ELMOD3: variants seen among roughly 807,000 people sequenced by gnomAD.
ELMOD3 encodes the protein ELMO domain-containing protein 3.
ELMOD3 carries 36 observed loss-of-function variants against 47.4 expected under a neutral mutation model. The ratio of observed to expected loss-of-function variants is 0.76; its 90% CI spans 0.58 to 1.00. The LOEUF is 1.00. Ranked by LOEUF, ELMOD3 falls within the 50% of genes least tolerant of loss-of-function variation. The pLI is 0.00. For synonymous variants in ELMOD3, 149 were observed against 183.5 expected, an observed-to-expected ratio of 0.81 and a Z score of 1.52; for missense variants, 404 against 463.8, an observed-to-expected ratio of 0.87 and a Z score of 1.18.
chr2:85,363,380 T>G (rs867976576), intron 6 of ELMOD3, among the ~76,000 whole-genome samples: 7 of 152,248 alleles, frequency 4.6e-5, no homozygotes, highest in Non-Finnish European at 8.8e-5. Context: ...TGTGTGCCTC[T>G]GGGCAAGCCA....
chr2:85,370,419 TAAA>T (rs569181155), intron 8 of ELMOD3, among the ~76,000 whole-genome samples: 4 of 121,338 alleles, frequency 3.3e-5, no homozygotes, highest in Admixed American at 8.5e-5. Context: ...CCTGTCTCCG[TAAA>T]AAAAAAAAAA....
In ELMOD3 at chr2:85,369,805, A is replaced by G. The variant is rs1684661238; in HGVS notation, c.335A>G (p.Gln112Arg). 1 of 1,614,008 alleles carries G rather than the reference A, an allele frequency of 6.2e-7. No homozygotes were observed. Among genetic ancestry groups the G allele is most frequent in the South Asian group, 1.1e-5 (1 of 91,086 alleles). ...TTCAGTGAGGCCCTGCAGCACTTCCAGACTGTGGACCTTTCCCCCTTCAAG... is the reference window on the plus strand; with the variant it reads ...TTCAGTGAGGCCCTGCAGCACTTCCGGACTGTGGACCTTTCCCCCTTCAAG... ...ISFSEALQHF[Q>R]TVDLSPFKKR... Residue 112 changes from glutamine (Q) to arginine (R), a missense_variant, in exon 8 of 14, where the codon CAG (glutamine) becomes CGG (arginine). By Grantham distance (43) the Gln-to-Arg change is conservative (BLOSUM62 1). Coordinates refer to ENST00000409013, the MANE Select transcript of ELMOD3 (RefSeq NM_001135022.2).
intron 4 of ELMOD3, among the ~76,000 whole-genome samples, chr2:85,361,107 C>T (rs929541433): frequency 1.3e-5 from 2 of 152,170 alleles, no homozygotes; most frequent in African/African-American, 4.8e-5. Flanking sequence ...CTGTGAGCCA[C>T]CACACCTGGT....
intron 8 of ELMOD3, 68 bp from the exon 9 acceptor site, chr2:85,371,018 G>A: frequency 1.3e-6 from 2 of 1,566,136 alleles, no homozygotes; most frequent in East Asian, 2.2e-5. Flanking sequence ...TCTGGTCTGA[G>A]CCTGATGGGA....
chr2:85,377,696 T>C (rs1310007539), intron 11 of ELMOD3, among the ~76,000 whole-genome samples: 2 of 152,250 alleles, frequency 1.3e-5, no homozygotes, highest in South Asian at 2.1e-4. Context: ...ATGGAAATCA[T>C]AGTGTTGTTA....
intron 7 of ELMOD3, among the ~76,000 whole-genome samples, chr2:85,369,350 G>A (rs547417960): frequency 2.6e-5 from 4 of 152,330 alleles, no homozygotes; most frequent in Non-Finnish European, 2.9e-5. Flanking sequence ...TATGGTTGGG[G>A]GTTCCTATAC....
At chr2:85,389,977 T>A (rs757179963) in intron 12 of ELMOD3, 150 bp downstream of exon 12, 1 of 1,063,284 alleles carries the variant, frequency 9.4e-7, no homozygotes, top group Non-Finnish European at 1.5e-6. Context: ...AGGACATCCC[T>A]TCTCCCACCC....
intron 11 of ELMOD3, among the ~76,000 whole-genome samples, chr2:85,388,753 A>C (rs1479222983): frequency 2.6e-5 from 4 of 152,228 alleles, no homozygotes; most frequent in African/African-American, 4.8e-5. Flanking sequence ...ACCACTAAGG[A>C]GCTGAATTTA....
Position 85,371,482 on chromosome 2 carries a change from A to G in ELMOD3, c.527A>G (p.Gln176Arg), listed in dbSNP as rs753809916. 15 of 1,614,252 alleles carry G rather than the reference A, an allele frequency of 9.3e-6. No individual in the cohort carries two copies. The highest frequency in any genetic ancestry group is 1.1e-5 in the Non-Finnish European group (13 of 1,180,056). Residue 176 changes from glutamine (Q) to arginine (R), a missense_variant, in exon 10 of 14, where the codon CAG (glutamine) becomes CGG (arginine). Physicochemically the swap from Gln to Arg is conservative, Grantham distance 43. Coordinates refer to ENST00000409013, the MANE Select transcript of ELMOD3 (RefSeq NM_001135022.2). ...GACCCAGTGCATGGCCGAGTCCTCCAGACCATCTATAAGAAGCTGACCGGC... is the reference window on the plus strand; with the variant it reads ...GACCCAGTGCATGGCCGAGTCCTCCGGACCATCTATAAGAAGCTGACCGGC... Reference protein sequence around the residue: ...SQDPVHGRVLQTIYKKLTGSK... With the variant: ...SQDPVHGRVLRTIYKKLTGSK...
At chr2:85,390,709 G>A in intron 13 of ELMOD3, 51 bp from the exon 14 acceptor site, 1 of 1,542,216 alleles carries the variant, frequency 6.5e-7, no homozygotes, top group South Asian at 1.2e-5. Context: ...TGACTGTTGT[G>A]TCACCCAGAG....
In ELMOD3 at chr2:85,369,823, C is replaced by G. The variant is rs550629639; in HGVS notation, c.353C>G (p.Pro118Arg). 6.2e-7 allele frequency: 1 copy of G among 1,614,088 alleles called. No individual in the cohort carries two copies. ...LQHFQTVDLS[P>R]FKKRIQPTIR... ...CACTTCCAGACTGTGGACCTTTCCC[C>G]CTTCAAGGTATGAGGGTAGCAGGGT... Residue 118 changes from proline (P) to arginine (R), a missense_variant, in exon 8 of 14, where the codon CCC (proline) becomes CGC (arginine). Physicochemically the swap from Pro to Arg is moderately radical, Grantham distance 103. Coordinates refer to ENST00000409013, the MANE Select transcript of ELMOD3 (RefSeq NM_001135022.2).
chr2:85,384,430 G>A (rs901392618), intron 11 of ELMOD3, among the ~76,000 whole-genome samples: 14 of 152,086 alleles, frequency 9.2e-5, no homozygotes, highest in Admixed American at 4.6e-4. Flanking sequence ...TAGCCTCCAC[G>A]GGCCCAAGAG....
At chr2:85,369,232 A>G (rs768292930) in intron 7 of ELMOD3, among the ~76,000 whole-genome samples, 3 of 152,348 alleles carry the variant, frequency 2.0e-5, no homozygotes, top group African/African-American at 4.8e-5. Flanking sequence ...ACTAGGACCT[A>G]TATCTAGCCT....
In ELMOD3 at chr2:85,360,266, C is replaced by CAA. The variant is rs753285939; in HGVS notation, c.55-1901_55-1900dup. Reference sequence around the variant, plus strand: ...GGGCAACAAGAGCAAAACTCCATCTCAAAAAAAAAAAAAAAAAAAAGCCAC... The same window carrying CAA: ...GGGCAACAAGAGCAAAACTCCATCTCAAAAAAAAAAAAAAAAAAAAAAGCCAC... On this transcript the variant is annotated intron_variant, in intron 4 of 13. Transcript: ENST00000409013. Among the ~76,000 whole-genome samples the CAA allele has an allele frequency of 2.5e-3, 130 of 51,300 alleles. 3 individuals are homozygous for CAA. The highest frequency in any genetic ancestry group is 0.012 in the Middle Eastern group (1 of 86). 33.7% of individuals were successfully genotyped at this position (51,300 alleles called of 152,430 possible). A position where few individuals can be genotyped will look rare whatever the true frequency, so the allele number is the denominator to read the frequency against.
intron 5 of ELMOD3, 23 bp from the exon 6 acceptor site, chr2:85,363,074 C>G: frequency 6.5e-7 from 1 of 1,532,404 alleles, no homozygotes; most frequent in South Asian, 1.1e-5. Flanking sequence ...TATCCTCAAG[C>G]TAAAGGTCAG....
At chr2:85,364,825 ATTTTTTTTT>A (rs869054374) in intron 6 of ELMOD3, among the ~76,000 whole-genome samples, 31 of 69,894 alleles carry the variant, frequency 4.4e-4, no homozygotes, top group African/African-American at 1.8e-3. Flanking sequence ...ATATATATAT[ATTTTTTTTT>A]TTTTTTTTTT....
rs116549359 is a variant in ELMOD3 at position 85,368,305 on chromosome 2, G to A, written c.200-381G>A. On this transcript the variant is annotated intron_variant, in intron 6 of 13. Coordinates refer to ENST00000409013, the MANE Select transcript of ELMOD3 (RefSeq NM_001135022.2). ...CAGCCAGATGTGGTAGTGCGTGCCT[G>A]TAGTTCCAGGTACTCAGGAGGCTGA... 1,663 of 207,628 alleles carry A rather than the reference G, an allele frequency of 8.0e-3. 25 individuals carry two copies. Among genetic ancestry groups the A allele is most frequent in the African/African-American group, 0.037 (1,591 of 43,410 alleles). 12.9% of individuals were successfully genotyped at this position (207,628 alleles called of 1,614,324 possible).
chr2:85,390,219 G>C lies in ELMOD3; in HGVS notation c.897G>C (p.Trp299Cys), dbSNP rs750148222. Residue 299 changes from tryptophan to cysteine, a missense_variant, in exon 13 of 14, where the codon TGG becomes TGC. Physicochemically the swap from Trp to Cys is radical, Grantham distance 215. Transcript: ENST00000409013. Reference sequence around the variant, plus strand: ...CATTCCTCCACCTCGCACATGTCTGGAGGACACAGCGGAAGACCATCTCAG... The same window carrying C: ...CATTCCTCCACCTCGCACATGTCTGCAGGACACAGCGGAAGACCATCTCAG... The part of the protein sequence containing the change: ...AATFLHLAHV[W>C]RTQRKTISDS... 6.2e-7 allele frequency: 1 copy of C among 1,614,188 alleles called. No individual in the cohort carries two copies. The highest frequency in any genetic ancestry group is 8.5e-7 in the Non-Finnish European group (1 of 1,180,032).
At chr2:85,380,291 A>G (rs767726532) in intron 11 of ELMOD3, among the ~76,000 whole-genome samples, 30 of 152,250 alleles carry the variant, frequency 2.0e-4, no homozygotes, top group Admixed American at 6.5e-4. Flanking sequence ...CAATAGCTCA[A>G]AAGAGAAGTT....
Sources: allele counts gnomAD v4.1 joint callset (sites outside exome capture counted in the v4.1 genomes callset), GRCh38; gene constraint gnomAD v4.1.1; transcripts MANE v1.5; gene names NCBI Gene and HGNC (gene_info 2026-07-23, HGNC 2026-07-21).